Variants in ARHGAP12 observed in about 807,000 individuals in gnomAD.
The protein encoded by ARHGAP12 is rho GTPase-activating protein 12.
A neutral mutation model predicts 108.6 loss-of-function variants in ARHGAP12; 64 were observed. The ratio of observed to expected loss-of-function variants is 0.59; its 90% confidence interval spans 0.48 to 0.73. The LOEUF (loss-of-function observed/expected upper bound fraction) is 0.73. Ranked by LOEUF, ARHGAP12 falls within the 30% of genes least tolerant of loss-of-function variation. The probability of loss-of-function intolerance (pLI) is 0.00; values close to 1 mark genes in which losing one functional copy is unlikely to be tolerated. For missense variants in ARHGAP12, 940 were observed against 1,005.9 expected (o/e 0.93, Z 0.89); for synonymous variants, 312 against 337.2 (o/e 0.93, Z 0.82).
At chr10:31,841,546 A>G (rs1836267487) in intron 7 of ARHGAP12, among the ~76,000 whole-genome samples, 1 of 152,178 alleles carries the variant, frequency 6.6e-6, no homozygotes, top group Admixed American at 6.5e-5. Context: ...TTACCAGGGT[A>G]AACAGATTAC....
intron 3 of ARHGAP12, among the ~76,000 whole-genome samples, chr10:31,889,644 T>TTTTA (rs1360878296): frequency 7.9e-6 from 1 of 125,920 alleles, no homozygotes; most frequent in Non-Finnish European, 1.6e-5. Flanking sequence ...TTTTTTTTTT[T>TTTTA]GAGACAGGAT....
chr10:31,841,609 C>T (rs998725775), intron 7 of ARHGAP12, among the ~76,000 whole-genome samples: 6 of 152,044 alleles, frequency 3.9e-5, no homozygotes, highest in African/African-American at 1.4e-4. Flanking sequence ...ATGATTTTGC[C>T]CCACTGTAGG....
intron 3 of ARHGAP12, among the ~76,000 whole-genome samples, chr10:31,907,914 G>T (rs1006928469): frequency 6.6e-6 from 1 of 151,936 alleles, no homozygotes; most frequent in South Asian, 2.1e-4. Context: ...ATAGAGAAAA[G>T]GGAAAAAAAG....
At chr10:31,862,715 C>CACACACACAG (rs1837170274) in intron 3 of ARHGAP12, among the ~76,000 whole-genome samples, 1 of 78,380 alleles carries the variant, frequency 1.3e-5, no homozygotes, top group Non-Finnish European at 2.8e-5. Flanking sequence ...GACACACACA[C>CACACACACAG]ACACACACAC....
chr10:31,851,508 C>T (rs1261150418), intron 6 of ARHGAP12, among the ~76,000 whole-genome samples: 1 of 152,150 alleles, frequency 6.6e-6, no homozygotes, highest in Non-Finnish European at 1.5e-5. Context: ...TAAAAGCTGT[C>T]AGTTACAGTG....
chr10:31,861,661 G>A lies in ARHGAP12; in HGVS notation c.685-3C>T, dbSNP rs1837123168. ...CCTTGATTTGGAGGTGTGGTTGCCTGTGAAATAAACATTTTTAAATTTCAT... is the reference window on the plus strand; with the variant it reads ...CCTTGATTTGGAGGTGTGGTTGCCTATGAAATAAACATTTTTAAATTTCAT... On this transcript the variant is annotated splice_region_variant and splice_polypyrimidine_tract_variant and intron_variant, in intron 3 of 19. Transcript: ENST00000344936. 6.3e-7 allele frequency: 1 copy of A among 1,579,384 alleles called. No individual in the cohort carries two copies. The highest frequency in any genetic ancestry group is 1.2e-5 in the South Asian group (1 of 85,362).
At chr10:31,908,077 A>T in intron 3 of ARHGAP12, 95 bp downstream of exon 3, 1 of 1,224,362 alleles carries the variant, frequency 8.2e-7, no homozygotes, top group Non-Finnish European at 1.1e-6. Flanking sequence ...ACAAAGCAAA[A>T]CAAGTCTTAA....
chr10:31,808,763 T>C lies in ARHGAP12; in HGVS notation c.2264-12A>G, dbSNP rs1453936717. Reference sequence around the variant, plus strand: ...TCTTGGTTCTTGCTCTGAAAAAAGATAATAACCAGATATTTTACAGCAAAT... The same window carrying C: ...TCTTGGTTCTTGCTCTGAAAAAAGACAATAACCAGATATTTTACAGCAAAT... On this transcript the variant is annotated splice_polypyrimidine_tract_variant and intron_variant, in intron 18 of 19. Coordinates refer to ENST00000344936, the MANE Select transcript of ARHGAP12 (RefSeq NM_018287.7). The C allele has an allele frequency of 6.2e-7, 1 of 1,611,110 alleles. No homozygotes were observed. Among genetic ancestry groups the C allele is most frequent in the Non-Finnish European group, 8.5e-7 (1 of 1,178,462 alleles).
intron 1 of ARHGAP12, chr10:31,913,043 G>A (rs945998905): frequency 3.3e-5 from 5 of 152,190 alleles, no homozygotes; most frequent in Admixed American, 6.5e-5. Flanking sequence ...GCCATGTGTC[G>A]GCCGTACACT....
At position 31,814,376 on chromosome 10, in the gene ARHGAP12, T is replaced by C; in HGVS notation, c.1732-15A>G. The C allele has an allele frequency of 1.3e-6, 2 of 1,572,578 alleles. No homozygotes were observed. The highest frequency in any genetic ancestry group is 1.8e-6 in the Non-Finnish European group (2 of 1,142,592). On this transcript the variant is annotated splice_polypyrimidine_tract_variant and intron_variant, in intron 13 of 19. Transcript: ENST00000344936. ...GTTTCTACTGCCTATTGGTTAGATA[T>C]TTCCCAAACACATATTACACTTCTA...
chr10:31,827,216 TC>T (rs1389533856), intron 10 of ARHGAP12, among the ~76,000 whole-genome samples: 3 of 152,170 alleles, frequency 2.0e-5, no homozygotes, highest in African/African-American at 7.2e-5. Flanking sequence ...CCTCAACTTC[TC>T]CCTTATCATA....
intron 5 of ARHGAP12, among the ~76,000 whole-genome samples, chr10:31,853,089 A>C (rs1331987775): frequency 6.6e-6 from 1 of 152,160 alleles, no homozygotes; most frequent in African/African-American, 2.4e-5. Context: ...GGTAAGAATA[A>C]ATATACTCAT....
At chr10:31,842,165 T>C (rs1441752884) in intron 7 of ARHGAP12, among the ~76,000 whole-genome samples, 2 of 152,102 alleles carry the variant, frequency 1.3e-5, no homozygotes, top group Non-Finnish European at 1.5e-5. Flanking sequence ...TAAGCATAAA[T>C]TATCAAAATA....
chr10:31,871,134 A>G (rs930993449), intron 3 of ARHGAP12, among the ~76,000 whole-genome samples: 1 of 152,220 alleles, frequency 6.6e-6, no homozygotes, highest in Admixed American at 6.5e-5. Context: ...GATGTTTAAC[A>G]TGATCTTTAA....
intron 3 of ARHGAP12, among the ~76,000 whole-genome samples, chr10:31,865,833 G>A (rs887830064): frequency 6.0e-5 from 9 of 150,798 alleles, no homozygotes; most frequent in Non-Finnish European, 1.2e-4. Flanking sequence ...AGCCAAGACC[G>A]CGACGCTGCA....
At chr10:31,914,377 C>G (rs1196608646) in intron 1 of ARHGAP12, among the ~76,000 whole-genome samples, 1 of 151,846 alleles carries the variant, frequency 6.6e-6, no homozygotes, top group Non-Finnish European at 1.5e-5. Context: ...CTTCATTCCT[C>G]TGCATGTCGC....
At chr10:31,926,141 A>C (rs1798943385) in intron 1 of ARHGAP12, among the ~76,000 whole-genome samples, 1 of 152,308 alleles carries the variant, frequency 6.6e-6, no homozygotes, top group Middle Eastern at 3.4e-3. Flanking sequence ...AAAATTTGAG[A>C]AGCACTAGAT....
chr10:31,814,469 TAGG>T, intron 13 of ARHGAP12, 108 bp from the exon 14 acceptor site: 1 of 876,990 alleles, frequency 1.1e-6, no homozygotes, highest in Non-Finnish European at 1.9e-6. Context: ...CAAACAATTT[TAGG>T]AAACCAATTA....
At chr10:31,882,554 C>G (rs1338449016) in intron 3 of ARHGAP12, among the ~76,000 whole-genome samples, 1 of 152,094 alleles carries the variant, frequency 6.6e-6, no homozygotes, top group Non-Finnish European at 1.5e-5. Flanking sequence ...GAGGCTCACA[C>G]CTGTAATCCC....
Sources: allele counts gnomAD v4.1 joint callset (sites outside exome capture counted in the v4.1 genomes callset), GRCh38; gene constraint gnomAD v4.1.1; transcripts MANE v1.5; gene names NCBI Gene and HGNC (gene_info 2026-07-23, HGNC 2026-07-21).